Variants in RAB4A observed in about 807,000 individuals in gnomAD.
RAB4A encodes the protein ras-related protein Rab-4A.
Under a neutral mutation model 34.5 loss-of-function variants are expected in RAB4A, and 20 were observed. The observed-to-expected ratio is 0.58, with a 90% CI of 0.41 to 0.84. The LOEUF (loss-of-function observed/expected upper bound fraction) is 0.84. Ranked by LOEUF, RAB4A falls within the 40% of genes least tolerant of loss-of-function variation. The pLI, the probability that RAB4A is intolerant of heterozygous loss-of-function variation, is 0.00. For synonymous variants in RAB4A, 102 were observed against 100.0 expected (o/e 1.02, Z -0.12); for missense variants, 228 against 274.5 (o/e 0.83, Z 1.20).
intron 3 of RAB4A, among the ~76,000 whole-genome samples, chr1:229,293,880 G>A (rs1657164557): frequency 1.3e-5 from 2 of 152,180 alleles, no homozygotes; most frequent in African/African-American, 4.8e-5. Context: ...GCAGGGAAGA[G>A]AATGGGGCCA....
chr1:229,305,373 C>T lies in RAB4A; in HGVS notation c.*1580C>T. The T allele has an allele frequency of 7.9e-7, 1 of 1,265,280 alleles. No individual in the cohort carries two copies. The highest frequency in any genetic ancestry group is 1.8e-5 in the South Asian group (1 of 55,894). 78.4% of individuals were successfully genotyped at this position (1,265,280 alleles called of 1,614,324 possible). On this transcript the variant is annotated 3_prime_UTR_variant, in exon 8 of 8. Transcript: ENST00000366690. ...GAGCATGTCTATTCTAACACATCAG[C>T]TTATTCAAAAGCAAGAATTTTAAAA...
chr1:229,284,444 G>C (rs1656870031), intron 1 of RAB4A, among the ~76,000 whole-genome samples: 1 of 152,090 alleles, frequency 6.6e-6, no homozygotes, highest in South Asian at 2.1e-4. Context: ...ATAGGAAAAA[G>C]TTCTTCTACT....
rs1657452291 is a variant in RAB4A at position 229,302,850 on chromosome 1, C to T, written c.542-12C>T. 1 of 1,575,450 alleles carries T rather than the reference C, an allele frequency of 6.3e-7. No homozygotes were observed. The highest frequency in any genetic ancestry group is 1.8e-5 in the Admixed American group (1 of 54,914). On this transcript the variant is annotated splice_polypyrimidine_tract_variant and intron_variant, in intron 6 of 7. Coordinates refer to ENST00000366690, the MANE Select transcript of RAB4A (RefSeq NM_004578.4). ...AAAGCCTTTTTTAAAAGAAGACTTGCTTGGTCCTTAGGTGAGCTGGACCCA... is the reference window on the plus strand; with the variant it reads ...AAAGCCTTTTTTAAAAGAAGACTTGTTTGGTCCTTAGGTGAGCTGGACCCA...
chr1:229,288,926 A>T (rs569739924), intron 3 of RAB4A, 83 bp downstream of exon 3: 3 of 833,376 alleles, frequency 3.6e-6, no homozygotes, highest in African/African-American at 1.8e-5. Flanking sequence ...ATAAGGTCTC[A>T]CTCCCTCCCC....
At chr1:229,287,456 A>G (rs1001260069) in intron 2 of RAB4A, among the ~76,000 whole-genome samples, 2 of 152,202 alleles carry the variant, frequency 1.3e-5, no homozygotes, top group African/African-American at 4.8e-5. Context: ...GTATTCATTC[A>G]CTGGATAGTT....
At chr1:229,293,780 A>C (rs552757337) in intron 3 of RAB4A, among the ~76,000 whole-genome samples, 86 of 152,188 alleles carry the variant, frequency 5.7e-4, no homozygotes, top group African/African-American at 2.0e-3. Context: ...TGCTTGGGGA[A>C]CGTTGCTGAG....
Position 229,304,677 on chromosome 1 carries a change from A to G in RAB4A, c.*884A>G, listed in dbSNP as rs1450959672. 6.6e-6 allele frequency: 1 copy of G among 152,508 alleles called. No individual in the cohort carries two copies. The highest frequency in any genetic ancestry group is 1.5e-5 in the Non-Finnish European group (1 of 68,214). The allele number at this position is 152,508 out of a possible 1,614,324, so 9.4% of individuals were successfully genotyped here. On this transcript the variant is annotated 3_prime_UTR_variant, in exon 8 of 8. Coordinates refer to ENST00000366690, the MANE Select transcript of RAB4A (RefSeq NM_004578.4). ...TACTGTGCTTTTTCTGGAATTCAGT[A>G]TAATGGCATCACTGCCTGTTTTTCA...
chr1:229,289,016 AG>A, intron 3 of RAB4A, 173 bp downstream of exon 3: 1 of 578,722 alleles, frequency 1.7e-6, no homozygotes. Flanking sequence ...AATTTAGGTT[AG>A]CTCTCTGCAG....
Position 229,305,172 on chromosome 1 carries a change from G to A in RAB4A, c.*1379G>A. On this transcript the variant is annotated 3_prime_UTR_variant, in exon 8 of 8. Transcript: ENST00000366690. Reference sequence around the variant, plus strand: ...AAAATATCAGTATGTATCTGTTTTAGATATTTTGAGTTTTGCTTTTTTTAT... The same window carrying A: ...AAAATATCAGTATGTATCTGTTTTAAATATTTTGAGTTTTGCTTTTTTTAT... 6.2e-7 allele frequency: 1 copy of A among 1,604,086 alleles called. No individual in the cohort carries two copies. The highest frequency in any genetic ancestry group is 8.5e-7 in the Non-Finnish European group (1 of 1,176,308).
chr1:229,279,490 A>G (rs527528993), intron 1 of RAB4A, among the ~76,000 whole-genome samples: 27 of 152,352 alleles, frequency 1.8e-4, no homozygotes, highest in African/African-American at 6.3e-4. Context: ...AGTTTGGGGC[A>G]TTAGGTAATA....
chr1:229,281,580 T>G (rs1656778513), intron 1 of RAB4A, among the ~76,000 whole-genome samples: 3 of 152,212 alleles, frequency 2.0e-5, no homozygotes, highest in African/African-American at 7.2e-5. Context: ...TAAGTCAGTC[T>G]TCCAATCTTT....
intron 1 of RAB4A, among the ~76,000 whole-genome samples, chr1:229,284,094 GTTTTTTTT>G (rs773213321): frequency 8.7e-5 from 4 of 45,904 alleles, no homozygotes; most frequent in Admixed American, 8.3e-4. Context: ...GTGTTGTTTG[GTTTTTTTT>G]TTTTTTTTTT....
Position 229,271,270 on chromosome 1 carries a change from A to G in RAB4A, c.-70A>G. ...GGTCCCCCGCCCCAGGTCCTTCCCC[A>G]CCGAGACGCGCCGGCGGACCGCGGG... On this transcript the variant is annotated 5_prime_UTR_variant, in exon 1 of 8. Coordinates refer to ENST00000366690, the MANE Select transcript of RAB4A (RefSeq NM_004578.4). The G allele has an allele frequency of 1.5e-6, 2 of 1,311,712 alleles. No homozygotes were observed. Among genetic ancestry groups the G allele is most frequent in the Non-Finnish European group, 1.9e-6 (2 of 1,028,282 alleles). The allele number at this position is 1,311,712 out of a possible 1,614,324, so 81.3% of individuals were successfully genotyped here. A position where few individuals can be genotyped will look rare whatever the true frequency, so the allele number is the denominator to read the frequency against.
chr1:229,297,478 G>A lies in RAB4A; in HGVS notation c.291-4G>A, dbSNP rs775492093. ...TATTATTTTCACAATCTTATATTAC[G>A]CAGCCGAGAAACCTACAATGCGCTT... On this transcript the variant is annotated splice_region_variant and splice_polypyrimidine_tract_variant and intron_variant, in intron 4 of 7. Transcript: ENST00000366690. 13 of 1,583,476 alleles carry A rather than the reference G, an allele frequency of 8.2e-6. 1 individual carries two copies. Among genetic ancestry groups the A allele is most frequent in the South Asian group, 4.7e-5 (4 of 85,308 alleles).
intron 1 of RAB4A, among the ~76,000 whole-genome samples, chr1:229,280,917 T>G (rs1656761907): frequency 2.6e-5 from 4 of 152,338 alleles, no homozygotes; most frequent in Non-Finnish European, 5.9e-5. Context: ...CTCAGTATAA[T>G]TCTCTGGAGA....
chr1:229,292,199 CT>C (rs1411207478), intron 3 of RAB4A, among the ~76,000 whole-genome samples: 1 of 149,016 alleles, frequency 6.7e-6, no homozygotes, highest in Non-Finnish European at 1.5e-5. Context: ...CACAGGTACC[CT>C]AAAACTTAAA....
intron 6 of RAB4A, among the ~76,000 whole-genome samples, chr1:229,302,274 TATATATATATATATATATATA>T (rs1558242142): frequency 0.033 from 485 of 14,686 alleles, 21 homozygotes; most frequent in African/African-American, 0.12. Flanking sequence ...TATATATATA[TATATATATATATATATATATA>T]TATATATATA....
chr1:229,293,624 T>C (rs1348827061), intron 3 of RAB4A, among the ~76,000 whole-genome samples: 1 of 152,144 alleles, frequency 6.6e-6, no homozygotes, highest in Non-Finnish European at 1.5e-5. Context: ...TGGGATCCTC[T>C]GGTGAGTGAG....
rs1262367936 is a variant in RAB4A at position 229,296,490 on chromosome 1, T to G, written c.290+580T>G. The stretch of plus-strand genomic sequence containing the variant: ...TGGCAATTTAACTGAAATAAAAAAT[T>G]CTGTTCCTCGATTGCACTGGCCACA... On this transcript the variant is annotated intron_variant, in intron 4 of 7. Transcript: ENST00000366690. Among the ~76,000 whole-genome samples, 3 of 152,236 alleles carry G rather than the reference T, an allele frequency of 2.0e-5. No individual in the cohort carries two copies. The East Asian group carries it at 5.8e-4, about 29-fold the overall frequency.
Sources: allele counts gnomAD v4.1 joint callset (sites outside exome capture counted in the v4.1 genomes callset), GRCh38; gene constraint gnomAD v4.1.1; transcripts MANE v1.5; gene names NCBI Gene and HGNC (gene_info 2026-07-23, HGNC 2026-07-21).